The following ANKS1B variants were observed in gnomAD, a reference collection of about 807,000 sequenced individuals.
ANKS1B encodes ankyrin repeat and sterile alpha motif domain-containing protein 1B.
In ANKS1B, 36 loss-of-function variants were observed where a neutral mutation model predicts 148.3. The observed-to-expected ratio is 0.24, with a 90% CI of 0.19 to 0.32. The LOEUF (loss-of-function observed/expected upper bound fraction) is 0.32. ANKS1B is among the 10% of genes least tolerant of loss of function. ANKS1B has a pLI of 1.00. For missense variants in ANKS1B, 1,157 were observed against 1,542.6 expected (o/e 0.75, Z 4.19); for synonymous variants, 542 against 560.8 (o/e 0.97, Z 0.47).
At chr12:99,897,833 A>C (rs184786038) in intron 1 of ANKS1B, among the ~76,000 whole-genome samples, 3 of 148,014 alleles carry the variant, frequency 2.0e-5, no homozygotes, top group Non-Finnish European at 4.5e-5. Context: ...CGAGGACATA[A>C]AGTTTGAAAA....
intron 12 of ANKS1B, among the ~76,000 whole-genome samples, chr12:99,337,560 C>T (rs185992086): frequency 6.6e-6 from 1 of 152,044 alleles, no homozygotes; most frequent in Non-Finnish European, 1.5e-5. Context: ...CTTGTGGATA[C>T]CCATCCGTGT....
intron 1 of ANKS1B, among the ~76,000 whole-genome samples, chr12:99,971,755 A>G (rs369808778): frequency 2.0e-5 from 3 of 152,350 alleles, no homozygotes; most frequent in South Asian, 2.1e-4. Flanking sequence ...AATTTTTTTA[A>G]AAAGAAAAAC....
intron 15 of ANKS1B, among the ~76,000 whole-genome samples, chr12:99,134,782 G>C (rs140053892): frequency 6.6e-6 from 1 of 151,730 alleles, no homozygotes; most frequent in African/African-American, 2.4e-5. Context: ...TTTCTGGGGA[G>C]AGCTGGAGCA....
chr12:99,424,152 T>G (rs1322892372), intron 11 of ANKS1B, among the ~76,000 whole-genome samples: 4 of 152,188 alleles, frequency 2.6e-5, no homozygotes, highest in Non-Finnish European at 5.9e-5. Flanking sequence ...TGCATTTATT[T>G]CAGTGTAATA....
At chr12:99,452,939 C>G (rs1029206122) in intron 10 of ANKS1B, among the ~76,000 whole-genome samples, 1 of 152,180 alleles carries the variant, frequency 6.6e-6, no homozygotes, top group Admixed American at 6.5e-5. Context: ...GGTATTCACA[C>G]TTTTGTGAAA....
intron 9 of ANKS1B, among the ~76,000 whole-genome samples, chr12:99,538,515 T>C (rs1412384915): frequency 1.3e-5 from 2 of 152,176 alleles, no homozygotes; most frequent in African/African-American, 2.4e-5. Context: ...TGTGTGGCTA[T>C]TGTAAATGGG....
intron 15 of ANKS1B, among the ~76,000 whole-genome samples, chr12:99,116,849 A>G (rs543818191): frequency 6.6e-6 from 1 of 152,220 alleles, no homozygotes; most frequent in African/African-American, 2.4e-5. Flanking sequence ...ATGCTTTTCC[A>G]TTTGTTTGTG....
In ANKS1B at chr12:98,829,117, T is replaced by A; in HGVS notation, c.3066+57A>T. 6.3e-7 allele frequency: 1 copy of A among 1,599,420 alleles called. No individual in the cohort carries two copies. Among genetic ancestry groups the A allele is most frequent in the Admixed American group, 1.7e-5 (1 of 59,414 alleles). ...ATCCATAGGAAGCTACTGTTCACTATTAAAAGGCATTACCTGATATGGTTG... is the reference window on the plus strand; with the variant it reads ...ATCCATAGGAAGCTACTGTTCACTAATAAAAGGCATTACCTGATATGGTTG... On this transcript the variant is annotated intron_variant, in intron 19 of 26. Transcript: ENST00000683438. This position sits in a 1 kb window ranked among gnomAD's most constrained non-coding sequence, Gnocchi z 5.2.
At chr12:99,661,165 AG>A (rs1185012689) in intron 8 of ANKS1B, among the ~76,000 whole-genome samples, 1 of 152,188 alleles carries the variant, frequency 6.6e-6, no homozygotes, top group Non-Finnish European at 1.5e-5. Context: ...TGAGGTCTAA[AG>A]GAACTCCCAA....
intron 12 of ANKS1B, among the ~76,000 whole-genome samples, chr12:99,350,478 C>A (rs918529489): frequency 1.3e-5 from 2 of 151,996 alleles, no homozygotes; most frequent in Non-Finnish European, 1.5e-5. Context: ...ATCACTTCTA[C>A]AAACACAAGA....
chr12:99,264,095 T>A (rs1395065563), intron 12 of ANKS1B, among the ~76,000 whole-genome samples: 1 of 152,118 alleles, frequency 6.6e-6, no homozygotes, highest in Non-Finnish European at 1.5e-5. Flanking sequence ...CTTATATGAC[T>A]TTTTCCTTAT....
intron 11 of ANKS1B, among the ~76,000 whole-genome samples, chr12:99,438,283 C>T (rs2095493870): frequency 6.6e-6 from 1 of 151,684 alleles, no homozygotes; most frequent in African/African-American, 2.4e-5. Context: ...TATAATTATC[C>T]TCCTTTAGTG....
intron 10 of ANKS1B, among the ~76,000 whole-genome samples, chr12:99,474,731 TATC>T (rs1298379665): frequency 6.6e-6 from 1 of 152,088 alleles, no homozygotes; most frequent in East Asian, 1.9e-4. Flanking sequence ...GCAATTGTGG[TATC>T]ATTCTAGGAG....
intron 11 of ANKS1B, among the ~76,000 whole-genome samples, chr12:99,417,694 C>T (rs564181359): frequency 6.6e-6 from 1 of 152,116 alleles, no homozygotes; most frequent in Non-Finnish European, 1.5e-5. Flanking sequence ...TGTCTTTCCA[C>T]TTCTTTGAAC....
chr12:99,235,536 C>A (rs2087740376), intron 14 of ANKS1B, among the ~76,000 whole-genome samples: 1 of 152,110 alleles, frequency 6.6e-6, no homozygotes, highest in Non-Finnish European at 1.5e-5. Context: ...TGTAAGCAGG[C>A]CTGAAAGAAT....
At chr12:99,695,551 G>A (rs1016252893) in intron 8 of ANKS1B, among the ~76,000 whole-genome samples, 3 of 152,172 alleles carry the variant, frequency 2.0e-5, no homozygotes, top group Non-Finnish European at 2.9e-5. Context: ...GCATGGTGGT[G>A]CCTCACTAAT....
At chr12:99,907,700 A>G (rs2093835713) in intron 1 of ANKS1B, among the ~76,000 whole-genome samples, 1 of 150,876 alleles carries the variant, frequency 6.6e-6, no homozygotes, top group African/African-American at 2.4e-5. Flanking sequence ...TTGTTTTCAT[A>G]CTCTTCTTTT....
chr12:99,868,776 G>C (rs1010575152), intron 1 of ANKS1B, among the ~76,000 whole-genome samples: 1 of 152,188 alleles, frequency 6.6e-6, no homozygotes, highest in Non-Finnish European at 1.5e-5. Flanking sequence ...TTAAGGAAGA[G>C]GCCGGGTGTG....
intron 14 of ANKS1B, among the ~76,000 whole-genome samples, chr12:99,186,952 T>C (rs929806209): frequency 4.0e-5 from 6 of 149,840 alleles, no homozygotes; most frequent in Non-Finnish European, 7.5e-5. Flanking sequence ...ATGTTCTAAA[T>C]GAATTGCTAA....
Sources: allele counts gnomAD v4.1 joint callset (sites outside exome capture counted in the v4.1 genomes callset), GRCh38; gene constraint gnomAD v4.1.1; non-coding constraint Gnocchi (gnomAD v3.1); transcripts MANE v1.5; gene names NCBI Gene and HGNC (gene_info 2026-07-23, HGNC 2026-07-21).